EBF2: variants seen among roughly 807,000 people sequenced by gnomAD.
The protein encoded by EBF2 is transcription factor COE2.
A neutral mutation model predicts 72.8 loss-of-function variants in EBF2; 21 were observed. The ratio of observed to expected loss-of-function variants is 0.29; its 90% CI spans 0.20 to 0.42. The LOEUF (loss-of-function observed/expected upper bound fraction) is 0.42. Ranked by LOEUF, EBF2 falls within the 10% of genes least tolerant of loss-of-function variation. EBF2 has a pLI of 1.00. For synonymous variants in EBF2, 299 were observed against 274.2 expected (o/e 1.09, Z -0.89); for missense variants, 637 against 731.2 (o/e 0.87, Z 1.49).
chr8:25,951,553 A>G (rs1036073199), intron 6 of EBF2, among the ~76,000 whole-genome samples: 1 of 152,226 alleles, frequency 6.6e-6, no homozygotes, highest in Non-Finnish European at 1.5e-5. Flanking sequence ...CATCCAACTC[A>G]GTGCTCCAAC....
chr8:26,042,010 G>A, intron 2 of EBF2, 85 bp downstream of exon 2: 1 of 1,540,036 alleles, frequency 6.5e-7, no homozygotes, highest in Admixed American at 1.8e-5. Flanking sequence ...GTGGAAAAGT[G>A]TCGCGAGAGT....
At position 25,983,285 on chromosome 8, in the gene EBF2, C is replaced by G. The variant is rs182926062; in HGVS notation, c.551+49800G>C. ...TCATTGAGTGTGAAAGTTAAAATAA[C>G]ACCACAAAATCATGTGGACTCAAAC... is the stretch of plus-strand genomic sequence containing the variant. On this transcript the variant is annotated intron_variant, in intron 6 of 15. Coordinates refer to ENST00000520164, the MANE Select transcript of EBF2 (RefSeq NM_022659.4). Among the ~76,000 whole-genome samples the G allele has an allele frequency of 2.0e-5, 3 of 152,240 alleles. No homozygotes were observed. The East Asian group carries it at 5.8e-4, about 29-fold the overall frequency.
At chr8:25,848,089 G>C (rs1801875512) in intron 15 of EBF2, among the ~76,000 whole-genome samples, 1 of 152,036 alleles carries the variant, frequency 6.6e-6, no homozygotes, top group South Asian at 2.1e-4. Flanking sequence ...TGTTGCACAG[G>C]CTAGGCTCAA....
intron 6 of EBF2, among the ~76,000 whole-genome samples, chr8:25,991,712 G>A (rs1293963580): frequency 6.6e-6 from 1 of 152,102 alleles, no homozygotes. Context: ...CACGCATGGT[G>A]GCGGGCACCT....
intron 2 of EBF2, chr8:26,041,407 G>A: frequency 4.3e-6 from 1 of 230,180 alleles, no homozygotes; most frequent in South Asian, 7.1e-5. Context: ...GCAGCATTCG[G>A]GCCTATCCCG....
chr8:25,952,944 T>G (rs1252329296), intron 6 of EBF2, among the ~76,000 whole-genome samples: 2 of 152,224 alleles, frequency 1.3e-5, no homozygotes, highest in Admixed American at 6.5e-5. Context: ...TTCTTGTACT[T>G]CTTTCCCATC....
chr8:25,879,220 T>A (rs1802567925), intron 10 of EBF2, among the ~76,000 whole-genome samples: 1 of 152,202 alleles, frequency 6.6e-6, no homozygotes, highest in Non-Finnish European at 1.5e-5. Flanking sequence ...ATATCACAGA[T>A]GCCTTTCATG....
At chr8:25,868,509 T>C (rs550511829) in intron 10 of EBF2, among the ~76,000 whole-genome samples, 2 of 152,296 alleles carry the variant, frequency 1.3e-5, no homozygotes, top group African/African-American at 2.4e-5. Flanking sequence ...GGACACAAAG[T>C]CTGGTTCTGC....
At chr8:25,904,763 G>A (rs1803009431) in intron 7 of EBF2, among the ~76,000 whole-genome samples, 1 of 152,100 alleles carries the variant, frequency 6.6e-6, no homozygotes, top group African/African-American at 2.4e-5. Context: ...GACTATGATA[G>A]CATATTGCTA....
intron 6 of EBF2, among the ~76,000 whole-genome samples, chr8:25,932,645 C>A (rs1365844141): frequency 6.6e-6 from 1 of 152,180 alleles, no homozygotes; most frequent in African/African-American, 2.4e-5. Flanking sequence ...TGTCTGGCCG[C>A]AGCTGATCTG....
At chr8:25,933,818 C>T (rs1194188441) in intron 6 of EBF2, among the ~76,000 whole-genome samples, 3 of 151,988 alleles carry the variant, frequency 2.0e-5, no homozygotes. Context: ...ATAAGATTAT[C>T]ACATTTTTGT....
chr8:25,950,135 C>T (rs141432070), intron 6 of EBF2, among the ~76,000 whole-genome samples: 3 of 152,302 alleles, frequency 2.0e-5, no homozygotes, highest in Admixed American at 6.5e-5. Context: ...GCATCTGAAA[C>T]GAGGTGCCCC....
In EBF2 at chr8:25,844,114, C is replaced by G. The variant is rs1361368361; in HGVS notation, c.*495G>C. On this transcript the variant is annotated 3_prime_UTR_variant, in exon 16 of 16. Coordinates refer to ENST00000520164, the MANE Select transcript of EBF2 (RefSeq NM_022659.4). ...AACACACATACAACATTTCATCATTCAATTCAGGTTGCGTTTTAAGAAAGT... is the reference window on the plus strand; with the variant it reads ...AACACACATACAACATTTCATCATTGAATTCAGGTTGCGTTTTAAGAAAGT... The G allele has an allele frequency of 1.3e-5, 2 of 153,250 alleles. No individual in the cohort carries two copies. Among genetic ancestry groups the G allele is most frequent in the Admixed American group, 1.3e-4 (2 of 15,416 alleles). The allele number at this position is 153,250 out of a possible 1,614,324, so 9.5% of individuals were successfully genotyped here.
intron 6 of EBF2, among the ~76,000 whole-genome samples, chr8:25,936,140 T>C (rs1803575147): frequency 1.3e-5 from 2 of 152,148 alleles, no homozygotes; most frequent in South Asian, 4.1e-4. Context: ...AACAGGCTAA[T>C]TCACCACATT....
intron 6 of EBF2, among the ~76,000 whole-genome samples, chr8:26,030,968 G>T (rs1299530183): frequency 1.3e-5 from 2 of 152,194 alleles, no homozygotes; most frequent in African/African-American, 4.8e-5. Flanking sequence ...GAAAACATGA[G>T]CATATTCAAC....
rs78348454 is a variant in EBF2, at chr8:25,975,195, C to T, written c.551+57890G>A. Among the ~76,000 whole-genome samples the T allele has an allele frequency of 5.1e-4, 77 of 152,314 alleles. No homozygotes were observed. In the East Asian group the frequency reaches 0.012, roughly 24 times the overall value. On this transcript the variant is annotated intron_variant, in intron 6 of 15. Coordinates refer to ENST00000520164, the MANE Select transcript of EBF2 (RefSeq NM_022659.4). ...ACTACTGCGCTGAAAATCACATCCT[C>T]TGCTCAGCCCGGGTGAGCAGGGACT...
intron 6 of EBF2, among the ~76,000 whole-genome samples, chr8:25,916,796 G>A (rs1803225398): frequency 6.6e-6 from 1 of 152,062 alleles, no homozygotes; most frequent in Non-Finnish European, 1.5e-5. Flanking sequence ...CAATATGCTG[G>A]CTTCTGACTG....
intron 10 of EBF2, among the ~76,000 whole-genome samples, chr8:25,865,788 G>A (rs1280592502): frequency 1.3e-5 from 2 of 151,332 alleles, no homozygotes; most frequent in Admixed American, 6.6e-5. Context: ...CACTTTGGGA[G>A]GCTGAGGCGG....
At chr8:25,849,994 G>T (rs555854604) in intron 15 of EBF2, among the ~76,000 whole-genome samples, 2 of 152,126 alleles carry the variant, frequency 1.3e-5, no homozygotes, top group Admixed American at 1.3e-4. Flanking sequence ...TAGCAGAATG[G>T]CCTTGTGGAC....
Sources: allele counts gnomAD v4.1 joint callset (sites outside exome capture counted in the v4.1 genomes callset), GRCh38; gene constraint gnomAD v4.1.1; transcripts MANE v1.5; gene names NCBI Gene and HGNC (gene_info 2026-07-23, HGNC 2026-07-21).